The following DCDC2C variants were observed in gnomAD, a reference collection of about 807,000 sequenced individuals.
The protein encoded by DCDC2C is doublecortin domain containing 2C.
Under a neutral mutation model 45.0 loss-of-function variants are expected in DCDC2C, and 44 were observed. The observed-to-expected ratio is 0.98, with a 90% CI of 0.77 to 1.26. The LOEUF (loss-of-function observed/expected upper bound fraction) is 1.26. Among genes scored for constraint, DCDC2C ranks in the 50% most tolerant of loss-of-function variants. The pLI is 0.00. For synonymous variants in DCDC2C, 187 were observed against 178.8 expected, an observed-to-expected ratio of 1.05 and a Z score of -0.37; for missense variants, 447 against 468.9, an observed-to-expected ratio of 0.95 and a Z score of 0.43.
At chr2:3,806,588 G>A (rs1671250543) in intron 10 of DCDC2C, among the ~76,000 whole-genome samples, 2 of 150,824 alleles carry the variant, frequency 1.3e-5, no homozygotes, top group Non-Finnish European at 2.9e-5. Context: ...CGTCATCCAG[G>A]CTGGAGTGCA....
chr2:3,735,878 T>C (rs1267141774), intron 3 of DCDC2C, among the ~76,000 whole-genome samples: 5 of 152,182 alleles, frequency 3.3e-5, no homozygotes, highest in African/African-American at 1.2e-4. Context: ...CATTTGGCTT[T>C]TTAGTGGCTG....
intron 10 of DCDC2C, among the ~76,000 whole-genome samples, chr2:3,796,960 G>T (rs1670973718): frequency 1.3e-5 from 2 of 152,140 alleles, no homozygotes; most frequent in Non-Finnish European, 2.9e-5. Flanking sequence ...GTTCCTCCTT[G>T]TACCTCTGGT....
At chr2:3,756,946 G>T (rs1472173979) in intron 6 of DCDC2C, among the ~76,000 whole-genome samples, 1 of 152,136 alleles carries the variant, frequency 6.6e-6, no homozygotes, top group Non-Finnish European at 1.5e-5. Flanking sequence ...CGTATTAGGT[G>T]TTTGTTGAAT....
chr2:3,734,685 G>T lies in DCDC2C; in HGVS notation c.417-7235G>T, dbSNP rs928163673. Among the ~76,000 whole-genome samples, 3 of 152,180 alleles carry T rather than the reference G, an allele frequency of 2.0e-5. No homozygotes were observed. The highest frequency in any genetic ancestry group is 2.9e-5 in the Non-Finnish European group (2 of 68,032). ...GGCAGCCTGGACAAGACTGGTGGTT[G>T]CAGCCCTGGCTCACAGGCAGGAGAC... On this transcript the variant is annotated intron_variant, in intron 3 of 10. Coordinates refer to ENST00000399143, the MANE Select transcript of DCDC2C (RefSeq NM_001287444.2). This position sits in a 1 kb window ranked among gnomAD's most constrained non-coding sequence, Gnocchi z 4.2.
intron 6 of DCDC2C, among the ~76,000 whole-genome samples, chr2:3,762,178 A>T (rs867752702): frequency 8.4e-5 from 3 of 35,892 alleles, no homozygotes; most frequent in African/African-American, 1.5e-4. Context: ...TTTTTTTTTT[A>T]ACCAAGTGCT....
intron 10 of DCDC2C, among the ~76,000 whole-genome samples, chr2:3,794,082 T>G (rs1219992472): frequency 6.6e-6 from 1 of 152,254 alleles, no homozygotes; most frequent in Non-Finnish European, 1.5e-5. Context: ...TATTCCCTGT[T>G]ACATTAAAAT....
At chr2:3,726,825 C>T (rs1270925003) in intron 2 of DCDC2C, among the ~76,000 whole-genome samples, 178 bp from the exon 3 acceptor site, 2 of 152,110 alleles carry the variant, frequency 1.3e-5, no homozygotes, top group African/African-American at 4.8e-5. Context: ...ATCTTCTCCT[C>T]CCCCAGCACC....
At chr2:3,742,587 C>T (rs1669249450) in intron 4 of DCDC2C, among the ~76,000 whole-genome samples, 1 of 152,140 alleles carries the variant, frequency 6.6e-6, no homozygotes, top group Non-Finnish European at 1.5e-5. Flanking sequence ...TGGGCACATT[C>T]CTAACTCCTC....
rs1260378020 is a variant in DCDC2C at position 3,742,041 on chromosome 2, G to A, written c.538G>A (p.Val180Ile). Residue 180 changes from valine (V) to isoleucine (I), a missense_variant, in exon 4 of 11, where the codon GTT (valine) becomes ATT (isoleucine). Coordinates refer to ENST00000399143, the MANE Select transcript of DCDC2C (RefSeq NM_001287444.2). ...AGAAAAAGTCTTCCCTCTAGGAGGC[G>A]TTCGGAAGTAAGGAGACTCTCGCCT... The part of the protein sequence containing the change: ...IGEKVFPLGG[V>I]RKLFTMNGHL... 19 of 1,540,268 alleles carry A rather than the reference G, an allele frequency of 1.2e-5. No individual in the cohort carries two copies. The highest frequency in any genetic ancestry group is 2.5e-5 in the East Asian group (1 of 40,726).
At chr2:3,785,629 CT>C (rs1485265906) in intron 10 of DCDC2C, among the ~76,000 whole-genome samples, 1 of 152,164 alleles carries the variant, frequency 6.6e-6, no homozygotes, top group Non-Finnish European at 1.5e-5. Context: ...GTGCTTCCCC[CT>C]AGAAGCGCTG....
intron 10 of DCDC2C, among the ~76,000 whole-genome samples, chr2:3,805,995 G>A (rs111528252): frequency 1.5e-3 from 221 of 151,556 alleles, no homozygotes; most frequent in African/African-American, 5.1e-3. Context: ...CATGCCTGGC[G>A]AATTTTTTGT....
chr2:3,703,597 G>A lies in DCDC2C; in HGVS notation c.-155G>A, dbSNP rs995779301. 93 of 722,216 alleles carry A rather than the reference G, an allele frequency of 1.3e-4. 1 individual carries two copies. The highest frequency in any genetic ancestry group is 1.2e-4 in the Non-Finnish European group (67 of 536,756). The allele number at this position is 722,216 out of a possible 1,614,324, so 44.7% of individuals were successfully genotyped here. A position where few individuals can be genotyped will look rare whatever the true frequency, so the allele number is the denominator to read the frequency against. Reference sequence around the variant, plus strand: ...GGCAGCCCCGTCCCGTCCCCGTCCAGCCCCCGTCCCGTCCCCGTCCCGTCC... The same window carrying A: ...GGCAGCCCCGTCCCGTCCCCGTCCAACCCCCGTCCCGTCCCCGTCCCGTCC... On this transcript the variant is annotated 5_prime_UTR_variant, in exon 1 of 11. Transcript: ENST00000399143. This position sits in a 1 kb window ranked among gnomAD's most constrained non-coding sequence, Gnocchi z 4.4.
At chr2:3,802,856 G>C (rs1671147297) in intron 10 of DCDC2C, among the ~76,000 whole-genome samples, 1 of 152,140 alleles carries the variant, frequency 6.6e-6, no homozygotes, top group African/African-American at 2.4e-5. Flanking sequence ...CTGGGCCTCT[G>C]TCTATCCTGC....
intron 3 of DCDC2C, among the ~76,000 whole-genome samples, chr2:3,727,327 A>G (rs1006839687): frequency 1.3e-5 from 2 of 152,116 alleles, no homozygotes; most frequent in Admixed American, 1.3e-4. Flanking sequence ...AAGAAAAGCA[A>G]TCCAATCACC....
chr2:3,845,203 G>C (rs1193970211), intron 10 of DCDC2C, among the ~76,000 whole-genome samples: 1 of 152,128 alleles, frequency 6.6e-6, no homozygotes, highest in African/African-American at 2.4e-5. Flanking sequence ...CAGGCTGTTG[G>C]GAAAATTACT....
intron 9 of DCDC2C, among the ~76,000 whole-genome samples, chr2:3,782,090 G>A (rs1416289387): frequency 2.0e-5 from 3 of 151,992 alleles, no homozygotes; most frequent in Admixed American, 6.6e-5. Context: ...CCCTCACACC[G>A]AAACTCTGTG....
intron 9 of DCDC2C, among the ~76,000 whole-genome samples, chr2:3,781,760 C>T (rs1427140529): frequency 5.9e-5 from 9 of 151,976 alleles, no homozygotes; most frequent in Non-Finnish European, 1.3e-4. Context: ...GTCCCAGCTC[C>T]CTGGGAGGCT....
chr2:3,738,540 G>GGAAA (rs1553373461), intron 3 of DCDC2C, among the ~76,000 whole-genome samples: 18 of 72,008 alleles, frequency 2.5e-4, no homozygotes, highest in African/African-American at 9.3e-4. Context: ...GTCTATCTGG[G>GGAAA]AAAAAAAAAA....
intron 10 of DCDC2C, among the ~76,000 whole-genome samples, chr2:3,817,234 T>G (rs1045681792): frequency 6.6e-6 from 1 of 152,228 alleles, no homozygotes; most frequent in Non-Finnish European, 1.5e-5. Context: ...TTGCAGTGAA[T>G]GACTCCAGCT....
Sources: gnomAD v4.1 joint callset for allele counts (sites outside exome capture counted in the v4.1 genomes callset) on GRCh38, gnomAD v4.1.1 for gene constraint, Gnocchi (gnomAD v3.1) non-coding constraint, MANE v1.5 for transcripts, NCBI Gene and HGNC (gene_info 2026-07-23, HGNC 2026-07-21) for gene names.